The following RP1L1 variants were observed in gnomAD, a reference collection of about 807,000 sequenced individuals.
The protein encoded by RP1L1 is RP1 like 1, also known as retinitis pigmentosa 1-like 1 protein.
Under a neutral mutation model 15.7 loss-of-function variants are expected in RP1L1, and 27 were observed. That is an observed-to-expected ratio of 1.72 (90% CI 1.27 to 2.38). The LOEUF is 2.38. RP1L1 is among the 30% of genes most tolerant of loss of function. The pLI is 0.00. For synonymous variants in RP1L1, 1,813 were observed against 1,276.7 expected (o/e 1.42, Z -8.96); for missense variants, 4,798 against 3,075.9 (o/e 1.56, Z -13.24).
intron 1 of RP1L1, among the ~76,000 whole-genome samples, chr8:10,639,150 AAAAG>A (rs569055181): frequency 5.5e-4 from 84 of 152,008 alleles, no homozygotes; most frequent in African/African-American, 2.0e-3. Context: ...TCAAAAAAAA[AAAAG>A]AAAAGAAAAG....
At chr8:10,636,184 G>C (rs895846446) in intron 1 of RP1L1, among the ~76,000 whole-genome samples, 3 of 152,216 alleles carry the variant, frequency 2.0e-5, no homozygotes, top group African/African-American at 7.2e-5. Context: ...CCTTGCCATC[G>C]CTCAGACTTT....
At chr8:10,651,865 T>C (rs1171789256) in intron 1 of RP1L1, among the ~76,000 whole-genome samples, 6 of 151,846 alleles carry the variant, frequency 4.0e-5, no homozygotes, top group African/African-American at 1.2e-4. Flanking sequence ...TTTCTGTCAA[T>C]GACAGACCTC....
chr8:10,622,990 C>T lies in RP1L1; in HGVS notation c.212G>A (p.Arg71His), dbSNP rs200996822. 370 of 1,614,092 alleles carry T rather than the reference C, an allele frequency of 2.3e-4. 1 individual carries two copies. The highest frequency in any genetic ancestry group is 4.2e-4 in the Admixed American group (25 of 60,020). Residue 71 changes from arginine to histidine, a missense_variant, in exon 2 of 4, where the codon CGC becomes CAC. Transcript: ENST00000382483. Reference protein sequence around the residue: ...FSALMDELSQRVPLSFGVRSV... With the variant: ...FSALMDELSQHVPLSFGVRSV... ...GCGCACCCCAAAGGAGAGAGGCACGCGCTGGGAGAGCTCGTCCATGAGGGC... is the reference window on the plus strand; with the variant it reads ...GCGCACCCCAAAGGAGAGAGGCACGTGCTGGGAGAGCTCGTCCATGAGGGC...
Position 10,612,453 on chromosome 8 carries a change from C to G in RP1L1, c.1645G>C (p.Gly549Arg), listed in dbSNP as rs1453527993. 6.2e-7 allele frequency: 1 copy of G among 1,612,722 alleles called. No individual in the cohort carries two copies. The highest frequency in any genetic ancestry group is 8.5e-7 in the Non-Finnish European group (1 of 1,180,014). The change falls in exon 4 of 4, where the codon GGT becomes CGT. Residue 549 changes from glycine (G) to arginine (R), a missense_variant. Physicochemically the swap from Gly to Arg is moderately radical, Grantham distance 125. Coordinates refer to ENST00000382483, the MANE Select transcript of RP1L1 (RefSeq NM_178857.6). The part of the protein sequence containing the change: ...TGSHEGSSEW[G>R]GRPQGCPGKA... ...CCTGGACAGCCCTGGGGCCGCCCAC[C>G]CCATTCGCTGGATCCCTCATGAGAG...
chr8:10,645,656 C>T (rs560010944), intron 1 of RP1L1, among the ~76,000 whole-genome samples: 2 of 152,286 alleles, frequency 1.3e-5, no homozygotes, highest in African/African-American at 4.8e-5. Context: ...GGAGCAAAGC[C>T]CTCTGGGAAG....
In RP1L1 at chr8:10,612,405, G is replaced by A. The variant is rs937326406; in HGVS notation, c.1693C>T (p.Gln565Ter). The A allele has an allele frequency of 6.2e-7, 1 of 1,612,750 alleles. No individual in the cohort carries two copies. Among genetic ancestry groups the A allele is most frequent in the Non-Finnish European group, 8.5e-7 (1 of 1,180,022 alleles). The change falls in exon 4 of 4, where the codon CAG (glutamine) becomes TAG (stop). Residue 565 changes from glutamine to a stop codon, truncating the protein, a stop_gained. Coordinates refer to ENST00000382483, the MANE Select transcript of RP1L1 (RefSeq NM_178857.6). LOFTEE classifies it low-confidence loss of function (END_TRUNC). Reference sequence around the variant, plus strand: ...TCGCCTCCCTCGCTGGCCTCCTGCTGAGAGGTCTCGGCCCTTGCCTTGCCT... The same window carrying A: ...TCGCCTCCCTCGCTGGCCTCCTGCTAAGAGGTCTCGGCCCTTGCCTTGCCT... ...CPGKARAETS[Q>*]QEASEGGDPA...
chr8:10,620,979 G>C (rs1798048958), intron 2 of RP1L1: 1 of 152,288 alleles, frequency 6.6e-6, no homozygotes, highest in South Asian at 2.1e-4. Context: ...ACAGGGAGTG[G>C]AGAGTGGAAA....
chr8:10,646,876 G>T (rs953620779), intron 1 of RP1L1, among the ~76,000 whole-genome samples: 2 of 152,234 alleles, frequency 1.3e-5, no homozygotes, highest in Admixed American at 1.3e-4. Context: ...AAGGCCTATT[G>T]TGTGTCCCCA....
rs567269183 is a variant in RP1L1 at position 10,609,575 on chromosome 8, C to G, written c.4523G>C (p.Cys1508Ser). 6.2e-7 allele frequency: 1 copy of G among 1,603,280 alleles called. No homozygotes were observed. The highest frequency in any genetic ancestry group is 1.1e-5 in the South Asian group (1 of 90,812). The change falls in exon 4 of 4, where the codon TGC becomes TCC. Residue 1508 changes from cysteine (C) to serine (S), a missense_variant. Coordinates refer to ENST00000382483, the MANE Select transcript of RP1L1 (RefSeq NM_178857.6). ...GGGGTCGCAGTCCAGAGCCGCGCTG[C>G]AGGCCACCGAAGAGCTCCTCTCTGC... The part of the protein sequence containing the change: ...GAAERSSSVA[C>S]SAALDCDPIW...
At chr8:10,623,287 C>G in intron 1 of RP1L1, 67 bp from the exon 2 acceptor site, 1 of 1,271,018 alleles carries the variant, frequency 7.9e-7, no homozygotes, top group Non-Finnish European at 1.1e-6. Context: ...TGTCTCTTCC[C>G]GTCTTTCTAG....
intron 1 of RP1L1, among the ~76,000 whole-genome samples, chr8:10,636,373 G>A (rs1193968704): frequency 6.6e-6 from 1 of 152,212 alleles, no homozygotes; most frequent in Non-Finnish European, 1.5e-5. Context: ...GCTAGCCTTT[G>A]GCAGCTGTGA....
At chr8:10,647,310 G>A (rs533105290) in intron 1 of RP1L1, among the ~76,000 whole-genome samples, 1 of 152,298 alleles carries the variant, frequency 6.6e-6, no homozygotes, top group East Asian at 1.9e-4. Flanking sequence ...TCGCTCTACT[G>A]TTTGTGTTTT....
At chr8:10,624,301 C>T (rs574741533) in intron 1 of RP1L1, among the ~76,000 whole-genome samples, 1 of 152,350 alleles carries the variant, frequency 6.6e-6, no homozygotes, top group African/African-American at 2.4e-5. Flanking sequence ...TCTTCAGAAA[C>T]TTCACATTCC....
In RP1L1 at chr8:10,612,762, C is replaced by T; in HGVS notation, c.1336G>A (p.Glu446Lys). The change falls in exon 4 of 4, where the codon GAG becomes AAG. Residue 446 changes from glutamate (E) to lysine (K), a missense_variant. Transcript: ENST00000382483. Reference sequence around the variant, plus strand: ...CTGGCACTGTCCTGGCTGCATCTCTCCCTCCCGGCAGTCCCGTGGCCCCAC... The same window carrying T: ...CTGGCACTGTCCTGGCTGCATCTCTTCCTCCCGGCAGTCCCGTGGCCCCAC... Reference protein sequence around the residue: ...GLWGHGTAGRERCSQDSASPA... With the variant: ...GLWGHGTAGRKRCSQDSASPA... The T allele has an allele frequency of 6.2e-7, 1 of 1,609,100 alleles. No homozygotes were observed. The highest frequency in any genetic ancestry group is 8.5e-7 in the Non-Finnish European group (1 of 1,179,922).
rs1315005662 is a variant in RP1L1 at position 10,612,010 on chromosome 8, G to T, written c.2088C>A (p.Cys696Ter). ...VPRPPERRRA[C>*]QDGSVPRYSG... Reference sequence around the variant, plus strand: ...AATATCGTGGCACTGAGCCATCCTGGCAGGCCCTTCGCCGCTCAGGAGGCC... The same window carrying T: ...AATATCGTGGCACTGAGCCATCCTGTCAGGCCCTTCGCCGCTCAGGAGGCC... The change falls in exon 4 of 4, where the codon TGC (cysteine) becomes TGA (stop). Residue 696 changes from cysteine to a stop codon, truncating the protein, a stop_gained. Transcript: ENST00000382483. LOFTEE classifies it low-confidence loss of function (END_TRUNC). 1.2e-6 allele frequency: 2 copies of T among 1,613,894 alleles called. No individual in the cohort carries two copies. The highest frequency in any genetic ancestry group is 1.1e-5 in the South Asian group (1 of 91,090).
rs148272289 is a variant in RP1L1, at chr8:10,636,290, C to T, written c.-19-13070G>A. Among the ~76,000 whole-genome samples the T allele has an allele frequency of 7.2e-3, 1,093 of 152,282 alleles. 10 individuals carry two copies. Among genetic ancestry groups the T allele is most frequent in the African/African-American group, 0.025 (1,045 of 41,562 alleles). On this transcript the variant is annotated intron_variant, in intron 1 of 3. Coordinates refer to ENST00000382483, the MANE Select transcript of RP1L1 (RefSeq NM_178857.6). ...GGCCGGTGACTCTTGCTTTGTCCAG[C>T]ATGAAGGCGTCAACAAGAGGCAAAG...
rs1348745336 is a variant in RP1L1, at chr8:10,610,719, A to G, written c.3379T>C (p.Leu1127=). 1 of 1,613,484 alleles carries G rather than the reference A, an allele frequency of 6.2e-7. No individual in the cohort carries two copies. Among genetic ancestry groups the G allele is most frequent in the African/African-American group, 1.3e-5 (1 of 75,014 alleles). The change falls in exon 4 of 4, where the codon TTA becomes CTA. Residue 1127 remains leucine (L), a synonymous_variant. Transcript: ENST00000382483. ...ALITCLASLQ[L]FEEDLGSPAS... is the part of the protein sequence containing the mutation. ...GGAGACCCAAGGTCTTCCTCAAATA[A>G]CTGCAGACTGGCCAGACAAGTAATG...
rs1355080315 is a variant in RP1L1, at chr8:10,609,447, C to G, written c.4651G>C (p.Asp1551His). ...TCGGCCGCCATCTGGTCCAGCAGAT[C>G]ATTGTCCTGCAGGCCCCAGCGTGCT... ...LRARWGLQDN[D>H]LLDQMAAELQ... Residue 1551 changes from aspartate to histidine, a missense_variant, in exon 4 of 4, where the codon GAT (aspartate) becomes CAT (histidine). Asp to His is a moderately conservative substitution (Grantham distance 81). Transcript: ENST00000382483. 6.2e-7 allele frequency: 1 copy of G among 1,612,368 alleles called. No homozygotes were observed. The highest frequency in any genetic ancestry group is 8.5e-7 in the Non-Finnish European group (1 of 1,179,982).
chr8:10,636,247 G>T (rs546807059), intron 1 of RP1L1, among the ~76,000 whole-genome samples: 1 of 152,186 alleles, frequency 6.6e-6, no homozygotes, highest in Non-Finnish European at 1.5e-5. Flanking sequence ...TTTAAAGAAG[G>T]GTTCTGGGGG....
Sources: gnomAD v4.1 joint callset for allele counts (sites outside exome capture counted in the v4.1 genomes callset) on GRCh38, gnomAD v4.1.1 for gene constraint, MANE v1.5 for transcripts, NCBI Gene and HGNC (gene_info 2026-07-23, HGNC 2026-07-21) for gene names.